The following CPEB3 variants were observed in gnomAD, a reference collection of about 807,000 sequenced individuals.
CPEB3 encodes the protein cytoplasmic polyadenylation element binding protein 3.
Under a neutral mutation model 67.2 loss-of-function variants are expected in CPEB3, and 20 were observed. The observed-to-expected ratio is 0.30, with a 90% confidence interval of 0.21 to 0.43. The LOEUF is 0.43. CPEB3 is among the 20% of genes least tolerant of loss of function. The pLI is 1.00. For missense variants in CPEB3, 746 were observed against 968.6 expected, an observed-to-expected ratio of 0.77 and a Z score of 3.05; for synonymous variants, 376 against 393.1, an observed-to-expected ratio of 0.96 and a Z score of 0.51.
At chr10:92,116,582 A>C (rs1479835614) in intron 6 of CPEB3, among the ~76,000 whole-genome samples, 2 of 152,066 alleles carry the variant, frequency 1.3e-5, no homozygotes, top group East Asian at 3.8e-4. Context: ...CCAAAAAATT[A>C]TCAACTTCCT....
chr10:92,177,147 T>C (rs561558577), intron 4 of CPEB3, among the ~76,000 whole-genome samples: 228 of 152,324 alleles, frequency 1.5e-3, no homozygotes, highest in Non-Finnish European at 2.2e-3. Flanking sequence ...CTACCACATA[T>C]GTAGCTAGAA....
At chr10:92,133,471 A>G (rs1845941520) in intron 6 of CPEB3, among the ~76,000 whole-genome samples, 1 of 152,248 alleles carries the variant, frequency 6.6e-6, no homozygotes, top group Non-Finnish European at 1.5e-5. Flanking sequence ...TAAACCAGGA[A>G]GAAGCTGAAT....
chr10:92,212,659 C>G (rs942567369), intron 2 of CPEB3, among the ~76,000 whole-genome samples: 2 of 152,020 alleles, frequency 1.3e-5, no homozygotes, highest in Non-Finnish European at 2.9e-5. Flanking sequence ...TGTAAAGTAC[C>G]CACCGGATTT....
In CPEB3 at chr10:92,239,733, G is replaced by A; in HGVS notation, c.618C>T (p.Ala206=). The part of the protein sequence containing the change: ...PSQAPYAQRS[A]AAAYGHQPIM... The stretch of plus-strand genomic sequence containing the variant: ...TGGGCTGGTGGCCGTACGCCGCGGC[G>A]GCGCTCCTCTGCGCGTAGGGCGCCT... Residue 206 remains alanine (A), a synonymous_variant, in exon 2 of 10, where the codon GCC becomes GCT. Transcript: ENST00000265997. The surrounding 1 kb of genome is among the most constrained non-coding windows in gnomAD (Gnocchi z 6.0). 3 of 1,522,732 alleles carry A rather than the reference G, an allele frequency of 2.0e-6. No homozygotes were observed. The highest frequency in any genetic ancestry group is 1.8e-6 in the Non-Finnish European group (2 of 1,140,926). The allele number at this position is 1,522,732 out of a possible 1,614,324, so 94.3% of individuals were successfully genotyped here.
chr10:92,200,545 C>CAAAAA (rs57165866), intron 2 of CPEB3, among the ~76,000 whole-genome samples: 4 of 54,534 alleles, frequency 7.3e-5, no homozygotes, highest in Non-Finnish European at 9.6e-5. Context: ...AACTCCGTCT[C>CAAAAA]AAAAAAAAAA....
At chr10:92,244,273 G>C (rs1327817179) in intron 1 of CPEB3, among the ~76,000 whole-genome samples, 1 of 151,520 alleles carries the variant, frequency 6.6e-6, no homozygotes. Flanking sequence ...CTTGAACCTG[G>C]GAGGTAGAGG....
At chr10:92,291,126 C>T, upstream of CPEB3, 1 of 372,382 alleles carries the variant, frequency 2.7e-6, no homozygotes, top group Non-Finnish European at 4.9e-6. Context: ...TCTGGGCCGC[C>T]CTGCGTCGTA....
chr10:92,092,038 T>C, intron 7 of CPEB3, 94 bp from the exon 8 acceptor site: 1 of 787,074 alleles, frequency 1.3e-6, no homozygotes, highest in Admixed American at 2.3e-5. Flanking sequence ...ATTTGTGCAT[T>C]TCACAATGAA....
intron 7 of CPEB3, among the ~76,000 whole-genome samples, chr10:92,095,607 T>A (rs867690548): frequency 0.12 from 16,822 of 143,810 alleles, 3,593 homozygotes; most frequent in African/African-American, 0.42. Context: ...TATATTTTTT[T>A]TTTTTCATTG....
chr10:92,141,925 G>A (rs531796302), intron 6 of CPEB3, among the ~76,000 whole-genome samples: 30 of 151,444 alleles, frequency 2.0e-4, no homozygotes, highest in African/African-American at 7.2e-4. Context: ...GGCTGAGGCA[G>A]GAGAATGGCG....
intron 4 of CPEB3, among the ~76,000 whole-genome samples, chr10:92,173,607 T>A (rs1244163764): frequency 6.6e-6 from 1 of 152,110 alleles, no homozygotes; most frequent in East Asian, 1.9e-4. Context: ...AACAATTAAG[T>A]TTCTAAAGCA....
At position 92,049,832 on chromosome 10, in the gene CPEB3, G is replaced by A. The variant is rs1852225990; in HGVS notation, c.*2380C>T. 1 of 152,390 alleles carries A rather than the reference G, an allele frequency of 6.6e-6. No homozygotes were observed. 9.4% of individuals were successfully genotyped at this position (152,390 alleles called of 1,614,324 possible). A position where few individuals can be genotyped will look rare whatever the true frequency, so the allele number is the denominator to read the frequency against. On this transcript the variant is annotated 3_prime_UTR_variant, in exon 10 of 10. Transcript: ENST00000265997. Reference sequence around the variant, plus strand: ...TAATTAGGTAGATTTCTGTAGGTTAGATATGATCTTTAATATTATAGTTAT... The same window carrying A: ...TAATTAGGTAGATTTCTGTAGGTTAAATATGATCTTTAATATTATAGTTAT...
In CPEB3 at chr10:92,260,861, G is replaced by A. The variant is rs996029333; in HGVS notation, c.-11-20500C>T. Among the ~76,000 whole-genome samples, 10 of 152,150 alleles carry A rather than the reference G, an allele frequency of 6.6e-5. 1 individual carries two copies. Among genetic ancestry groups the A allele is most frequent in the Middle Eastern group, 6.8e-3 (2 of 294 alleles). ...TGACCTCAGGTGATCCACCTGCCTC[G>A]GCCTCCCAAAGTGCTGGGATTACAG... On this transcript the variant is annotated intron_variant, in intron 1 of 9. Transcript: ENST00000265997.
intron 2 of CPEB3, among the ~76,000 whole-genome samples, chr10:92,228,241 A>T (rs1393249117): frequency 6.6e-6 from 1 of 152,202 alleles, no homozygotes; most frequent in Non-Finnish European, 1.5e-5. Context: ...TACCCACAAA[A>T]TCAAATGCAA....
chr10:92,234,349 C>A (rs1008071735), intron 2 of CPEB3, among the ~76,000 whole-genome samples: 1 of 151,868 alleles, frequency 6.6e-6, no homozygotes, highest in African/African-American at 2.4e-5. Context: ...AAATTATAAC[C>A]GATGAATCTT....
rs959095265 is a variant in CPEB3 at position 92,231,426 on chromosome 10, C to T, written c.1005+7920G>A. 5.3e-5 allele frequency among the ~76,000 whole-genome samples: 8 copies of T among 152,144 alleles called. 1 individual carries two copies. Among genetic ancestry groups the T allele is most frequent in the Non-Finnish European group, 8.8e-5 (6 of 68,030 alleles). On this transcript the variant is annotated intron_variant, in intron 2 of 9. Transcript: ENST00000265997. The stretch of plus-strand genomic sequence containing the variant: ...CTCTAACAGTATATAATTTTCAGAA[C>T]ACTTTGTACACATTCTCTCACAAAC...
At chr10:92,070,130 T>G (rs920451908) in intron 9 of CPEB3, among the ~76,000 whole-genome samples, 2 of 152,162 alleles carry the variant, frequency 1.3e-5, no homozygotes, top group African/African-American at 2.4e-5. Context: ...AACACAGTGT[T>G]TTTCTCAACT....
At chr10:92,220,051 C>T (rs1035309298) in intron 2 of CPEB3, among the ~76,000 whole-genome samples, 2 of 151,914 alleles carry the variant, frequency 1.3e-5, no homozygotes, top group Non-Finnish European at 1.5e-5. Context: ...CCAGCTACTC[C>T]GGAGGCTGAG....
chr10:92,063,503 G>A (rs1354791474), intron 9 of CPEB3, among the ~76,000 whole-genome samples: 6 of 152,252 alleles, frequency 3.9e-5, no homozygotes, highest in Middle Eastern at 3.4e-3. Flanking sequence ...AGTGGCTCAC[G>A]CCTGTAATCC....
Sources: gnomAD v4.1 joint callset for allele counts (sites outside exome capture counted in the v4.1 genomes callset) on GRCh38, gnomAD v4.1.1 for gene constraint, Gnocchi (gnomAD v3.1) non-coding constraint, MANE v1.5 for transcripts, NCBI Gene and HGNC (gene_info 2026-07-23, HGNC 2026-07-21) for gene names.